PTPRG: variants seen among roughly 807,000 people sequenced by gnomAD.
PTPRG encodes receptor-type tyrosine-protein phosphatase gamma.
A neutral mutation model predicts 165.3 loss-of-function variants in PTPRG; 102 were observed. The observed-to-expected ratio is 0.62, with a 90% CI of 0.53 to 0.73. PTPRG has a LOEUF of 0.73. PTPRG is among the 30% of genes least tolerant of loss of function. The pLI is 0.00. For synonymous variants in PTPRG, 675 were observed against 669.5 expected (o/e 1.01, Z -0.13); for missense variants, 1,866 against 1,861.4 (o/e 1.00, Z -0.05).
chr3:61,824,959 A>G (rs1432145439), intron 2 of PTPRG, among the ~76,000 whole-genome samples: 1 of 152,230 alleles, frequency 6.6e-6, no homozygotes, highest in Non-Finnish European at 1.5e-5. Context: ...GTTCCTTGAC[A>G]TTCAGTTAAT....
chr3:61,852,243 T>G (rs2107368588), intron 2 of PTPRG, among the ~76,000 whole-genome samples: 1 of 152,350 alleles, frequency 6.6e-6, no homozygotes, highest in East Asian at 1.9e-4. Flanking sequence ...CATTTTTGTT[T>G]GTTTGCTGTG....
intron 1 of PTPRG, among the ~76,000 whole-genome samples, chr3:61,669,286 G>A (rs955319946): frequency 6.6e-6 from 1 of 152,090 alleles, no homozygotes; most frequent in South Asian, 2.1e-4. Context: ...CTTAGAGCTT[G>A]AGACATTATG....
chr3:61,889,991 GTT>G (rs1275964063), intron 2 of PTPRG, among the ~76,000 whole-genome samples: 7 of 152,142 alleles, frequency 4.6e-5, no homozygotes, highest in African/African-American at 1.4e-4. Flanking sequence ...CAAGTATTCT[GTT>G]AAGGGGCCTC....
intron 1 of PTPRG, among the ~76,000 whole-genome samples, chr3:61,674,417 G>T (rs926854960): frequency 1.3e-5 from 2 of 150,410 alleles, no homozygotes. Context: ...AACCCAGGAG[G>T]TGGAGGCTGC....
chr3:62,074,502 C>T (rs956548201), intron 4 of PTPRG, among the ~76,000 whole-genome samples: 1 of 151,654 alleles, frequency 6.6e-6, no homozygotes, highest in Admixed American at 6.6e-5. Flanking sequence ...ACTACACTCA[C>T]CACTCCTGGC....
At chr3:62,014,911 C>T (rs2041504563) in intron 4 of PTPRG, among the ~76,000 whole-genome samples, 1 of 152,248 alleles carries the variant, frequency 6.6e-6, no homozygotes, top group Non-Finnish European at 1.5e-5. Context: ...GGAAATGCTG[C>T]ATGACATGTC....
At chr3:61,891,243 G>A (rs961283928) in intron 2 of PTPRG, among the ~76,000 whole-genome samples, 3 of 152,060 alleles carry the variant, frequency 2.0e-5, no homozygotes, top group African/African-American at 4.8e-5. Flanking sequence ...ACTTGAATCA[G>A]GGAGGCGTAC....
intron 2 of PTPRG, among the ~76,000 whole-genome samples, chr3:61,882,437 C>T (rs1482124715): frequency 6.6e-6 from 1 of 151,916 alleles, no homozygotes; most frequent in Non-Finnish European, 1.5e-5. Flanking sequence ...TGGAGTTGCT[C>T]TTAATTAAAT....
chr3:62,189,083 G>C (rs1439962398), intron 8 of PTPRG, among the ~76,000 whole-genome samples: 1 of 152,112 alleles, frequency 6.6e-6, no homozygotes, highest in Non-Finnish European at 1.5e-5. Context: ...CCTCCCTTCA[G>C]ATTCTTTGTT....
At chr3:61,595,986 C>T (rs934417209) in intron 1 of PTPRG, among the ~76,000 whole-genome samples, 43 of 152,194 alleles carry the variant, frequency 2.8e-4, no homozygotes, top group African/African-American at 1.0e-3. Flanking sequence ...TTATACATAG[C>T]CTACGTTCAA....
intron 2 of PTPRG, among the ~76,000 whole-genome samples, chr3:61,850,726 A>G (rs947483012): frequency 2.0e-5 from 3 of 152,212 alleles, no homozygotes; most frequent in Admixed American, 1.3e-4. Context: ...GTTTACCAAC[A>G]TCTGTCTTCG....
At chr3:61,646,958 G>C (rs1457576372) in intron 1 of PTPRG, among the ~76,000 whole-genome samples, 1 of 152,156 alleles carries the variant, frequency 6.6e-6, no homozygotes, top group Non-Finnish European at 1.5e-5. Context: ...TTTTATTCCT[G>C]AGCAGTATTC....
chr3:61,602,792 A>G (rs1217333949), intron 1 of PTPRG, among the ~76,000 whole-genome samples: 2 of 152,142 alleles, frequency 1.3e-5, no homozygotes, highest in East Asian at 1.9e-4. Context: ...CCGGCTGGTG[A>G]GAACTGATTG....
chr3:62,183,254 C>T (rs896183244), intron 8 of PTPRG, among the ~76,000 whole-genome samples: 12 of 152,084 alleles, frequency 7.9e-5, no homozygotes, highest in Non-Finnish European at 1.6e-4. Context: ...AGATAGGACT[C>T]GTTACTATTA....
chr3:62,090,326 C>T (rs1701885735), intron 5 of PTPRG, among the ~76,000 whole-genome samples: 1 of 152,084 alleles, frequency 6.6e-6, no homozygotes, highest in African/African-American at 2.4e-5. Context: ...GGCTGCCAGA[C>T]ACTAGTTCTA....
intron 2 of PTPRG, among the ~76,000 whole-genome samples, chr3:61,771,701 AAT>A: frequency 6.6e-6 from 1 of 152,304 alleles, no homozygotes; most frequent in East Asian, 1.9e-4. Context: ...ACAATTTAAA[AAT>A]ATATCTCCTC....
intron 1 of PTPRG, among the ~76,000 whole-genome samples, chr3:61,652,758 A>T (rs896376893): frequency 6.6e-6 from 1 of 152,174 alleles, no homozygotes; most frequent in East Asian, 1.9e-4. Context: ...GTGTAGTAGT[A>T]TTCCTGGCCT....
intron 1 of PTPRG, among the ~76,000 whole-genome samples, chr3:61,671,797 GGCGGC>G (rs1703002571): frequency 6.8e-6 from 1 of 146,938 alleles, no homozygotes. Context: ...TCCCGGATGG[GGCGGC>G]TGGCCGGGCA....
At position 62,296,209 on chromosome 3, in the gene PTPRG, A is replaced by C. The variant is rs925914664; in HGVS notation, c.*2902A>C. The C allele has an allele frequency of 6.6e-6, 1 of 152,030 alleles. No individual in the cohort carries two copies. The highest frequency in any genetic ancestry group is 2.4e-5 in the African/African-American group (1 of 41,428). 9.4% of individuals were successfully genotyped at this position (152,030 alleles called of 1,614,324 possible). Reference sequence around the variant, plus strand: ...AAGTTAATTTCTGAATTTCAAAAAGAGTAAGATTAGCTAATTGGTCTTCCT... The same window carrying C: ...AAGTTAATTTCTGAATTTCAAAAAGCGTAAGATTAGCTAATTGGTCTTCCT... On this transcript the variant is annotated 3_prime_UTR_variant, in exon 30 of 30. Coordinates refer to ENST00000474889, the MANE Select transcript of PTPRG (RefSeq NM_002841.4).
Sources: gnomAD v4.1 joint callset for allele counts (sites outside exome capture counted in the v4.1 genomes callset) on GRCh38, gnomAD v4.1.1 for gene constraint, MANE v1.5 for transcripts, NCBI Gene and HGNC (gene_info 2026-07-23, HGNC 2026-07-21) for gene names.